Variants in PCDH9 observed in about 807,000 individuals in gnomAD.
PCDH9 encodes the protein protocadherin 9.
In PCDH9, 24 loss-of-function variants were observed where a neutral mutation model predicts 70.6. That is an observed-to-expected ratio of 0.34 (90% CI 0.25 to 0.48). The LOEUF (loss-of-function observed/expected upper bound fraction) is 0.48, where lower values mean the gene tolerates loss of function less well. Ranked by LOEUF, PCDH9 falls within the 20% of genes least tolerant of loss-of-function variation. PCDH9 has a pLI of 0.99. For missense variants in PCDH9, 1,281 were observed against 1,503.6 expected, an observed-to-expected ratio of 0.85 and a Z score of 2.45; for synonymous variants, 562 against 558.5, an observed-to-expected ratio of 1.01 and a Z score of -0.09.
chr13:66,891,656 T>C (rs1413893276), intron 3 of PCDH9, among the ~76,000 whole-genome samples: 1 of 152,074 alleles, frequency 6.6e-6, no homozygotes. Context: ...AGAATAGTAT[T>C]AGACTATGAG....
chr13:66,571,359 C>T (rs2076730493), intron 4 of PCDH9, among the ~76,000 whole-genome samples: 1 of 151,920 alleles, frequency 6.6e-6, no homozygotes, highest in Admixed American at 6.6e-5. Context: ...AAAACATTGA[C>T]CCTTTGCTTG....
intron 4 of PCDH9, among the ~76,000 whole-genome samples, chr13:66,562,007 G>A (rs1262423638): frequency 4.6e-5 from 7 of 152,008 alleles, no homozygotes; most frequent in East Asian, 3.9e-4. Flanking sequence ...CTGAGCCAGC[G>A]AGACCACAAA....
At position 66,769,714 on chromosome 13, in the gene PCDH9, A is replaced by C. The variant is rs1022448012; in HGVS notation, c.3138+133790T>G. ...TCCTTAAATGTTCATTGCAACAAAC[A>C]CTGGCTTTCAATTACATGATTTTCC... On this transcript the variant is annotated intron_variant, in intron 3 of 4. Transcript: ENST00000377865. 2.1e-4 allele frequency among the ~76,000 whole-genome samples: 32 copies of C among 152,278 alleles called. No homozygotes were observed. The East Asian group carries it at 4.6e-3, about 22-fold the overall frequency.
At chr13:67,135,551 A>G (rs1029513831) in intron 2 of PCDH9, among the ~76,000 whole-genome samples, 1 of 152,136 alleles carries the variant, frequency 6.6e-6, no homozygotes, top group African/African-American at 2.4e-5. Context: ...AAATGCCAGT[A>G]CTTTACTAGA....
chr13:66,541,441 G>T (rs1056270601), intron 4 of PCDH9, among the ~76,000 whole-genome samples: 1 of 152,014 alleles, frequency 6.6e-6, no homozygotes, highest in African/African-American at 2.4e-5. Flanking sequence ...CAATATCAAG[G>T]TGTCAGCATG....
At chr13:66,657,882 T>C (rs2077954856) in intron 3 of PCDH9, among the ~76,000 whole-genome samples, 1 of 152,184 alleles carries the variant, frequency 6.6e-6, no homozygotes, top group African/African-American at 2.4e-5. Context: ...CGGCCCTCTG[T>C]GTTCCAGGGT....
At chr13:66,601,244 G>A (rs537343835) in intron 4 of PCDH9, among the ~76,000 whole-genome samples, 1 of 145,736 alleles carries the variant, frequency 6.9e-6, no homozygotes, top group Non-Finnish European at 1.5e-5. Flanking sequence ...CTAGCAAAAA[G>A]ATATCAGTGC....
rs1955409049 is a variant in PCDH9 at position 66,303,655 on chromosome 13, A to G, written c.*1000T>C. 1 of 152,498 alleles carries G rather than the reference A, an allele frequency of 6.6e-6. No individual in the cohort carries two copies. Among genetic ancestry groups the G allele is most frequent in the South Asian group, 2.1e-4 (1 of 4,836 alleles). 9.4% of individuals were successfully genotyped at this position (152,498 alleles called of 1,614,324 possible). ...GCTAATTTTGATACATTAGTTTTAC[A>G]TGAGTGACAAGTACAGGATATTATA... is the stretch of plus-strand genomic sequence containing the variant. On this transcript the variant is annotated 3_prime_UTR_variant, in exon 5 of 5. Transcript: ENST00000377865.
At chr13:67,010,863 A>G (rs926414611) in intron 2 of PCDH9, among the ~76,000 whole-genome samples, 2 of 151,964 alleles carry the variant, frequency 1.3e-5, no homozygotes, top group African/African-American at 4.8e-5. Flanking sequence ...TTTGACTTCC[A>G]TTTTTCTGAA....
chr13:66,946,401 G>A (rs957944293), intron 2 of PCDH9, among the ~76,000 whole-genome samples: 13 of 152,086 alleles, frequency 8.5e-5, no homozygotes, highest in African/African-American at 2.9e-4. Context: ...TGGGCATGGT[G>A]GCTTATGCTT....
chr13:66,333,958 T>C (rs894546881), intron 4 of PCDH9, among the ~76,000 whole-genome samples: 1 of 152,112 alleles, frequency 6.6e-6, no homozygotes, highest in Non-Finnish European at 1.5e-5. Flanking sequence ...ATGTGATATT[T>C]TGATACATGC....
chr13:67,164,385 G>T (rs965021282), intron 2 of PCDH9, among the ~76,000 whole-genome samples: 4 of 151,866 alleles, frequency 2.6e-5, no homozygotes, highest in African/African-American at 9.7e-5. Context: ...GACCAGCCTG[G>T]CCAAGATAAT....
chr13:67,215,759 T>C (rs934547048), intron 2 of PCDH9: 1 of 152,118 alleles, frequency 6.6e-6, no homozygotes, highest in African/African-American at 2.4e-5. Context: ...AAATCTTATA[T>C]ATATAAAATA....
intron 3 of PCDH9, among the ~76,000 whole-genome samples, chr13:66,745,633 AT>A (rs1440614815): frequency 6.6e-6 from 1 of 152,186 alleles, no homozygotes. Context: ...CTGTGTTTAG[AT>A]AAAACAGGAA....
At chr13:66,336,078 C>A (rs979082555) in intron 4 of PCDH9, among the ~76,000 whole-genome samples, 4 of 151,938 alleles carry the variant, frequency 2.6e-5, no homozygotes, top group African/African-American at 9.7e-5. Flanking sequence ...GAAAGAGAAA[C>A]CTTCCAAATA....
At chr13:67,045,372 C>T (rs1281738536) in intron 2 of PCDH9, among the ~76,000 whole-genome samples, 7 of 152,068 alleles carry the variant, frequency 4.6e-5, no homozygotes, top group Non-Finnish European at 7.4e-5. Context: ...AGTCCTTTCT[C>T]TTTTCCATCA....
chr13:66,893,100 G>A (rs950647743), intron 3 of PCDH9, among the ~76,000 whole-genome samples: 1 of 152,066 alleles, frequency 6.6e-6, no homozygotes, highest in Non-Finnish European at 1.5e-5. Context: ...AAGTGAGTGG[G>A]TTAAACAAAT....
chr13:66,336,731 G>T (rs1277413668), intron 4 of PCDH9, among the ~76,000 whole-genome samples: 1 of 151,932 alleles, frequency 6.6e-6, no homozygotes, highest in Non-Finnish European at 1.5e-5. Flanking sequence ...GTAATCTGTG[G>T]CTCTTTAACA....
chr13:66,345,373 A>G (rs570811611), intron 4 of PCDH9, among the ~76,000 whole-genome samples: 9 of 151,548 alleles, frequency 5.9e-5, no homozygotes, highest in African/African-American at 2.2e-4. Flanking sequence ...TAATGAGGTA[A>G]TTTTTTTTTC....
Sources: allele counts gnomAD v4.1 joint callset (sites outside exome capture counted in the v4.1 genomes callset), GRCh38; gene constraint gnomAD v4.1.1; transcripts MANE v1.5; gene names NCBI Gene and HGNC (gene_info 2026-07-23, HGNC 2026-07-21).